PLD5: variants seen among roughly 807,000 people sequenced by gnomAD.
PLD5 encodes the protein phospholipase D family member 5.
In PLD5, 36 loss-of-function variants were observed where a neutral mutation model predicts 61.1. The observed-to-expected ratio is 0.59, with a 90% CI of 0.45 to 0.78. The LOEUF is 0.78. Among genes scored for constraint, PLD5 ranks in the 30% least tolerant of loss-of-function variants. The pLI, the probability that PLD5 is intolerant of heterozygous loss-of-function variation, is 0.00. For synonymous variants in PLD5, 243 were observed against 242.8 expected, an observed-to-expected ratio of 1.00 and a Z score of -0.01; for missense variants, 515 against 644.4, an observed-to-expected ratio of 0.80 and a Z score of 2.17.
chr1:242,479,560 C>G (rs1667703421), intron 1 of PLD5, among the ~76,000 whole-genome samples: 1 of 152,070 alleles, frequency 6.6e-6, no homozygotes, highest in South Asian at 2.1e-4. Context: ...TAAAGACATA[C>G]TATATGGAGA....
chr1:242,459,955 T>A (rs540088755), intron 1 of PLD5, among the ~76,000 whole-genome samples: 109 of 152,308 alleles, frequency 7.2e-4, no homozygotes, highest in African/African-American at 2.5e-3. Context: ...CTTCCGAGAA[T>A]TTCTGGTCTA....
chr1:242,244,148 G>C (rs1672226369), intron 4 of PLD5, among the ~76,000 whole-genome samples: 1 of 152,152 alleles, frequency 6.6e-6, no homozygotes. Flanking sequence ...GGAATATCTT[G>C]GGATACAGAA....
chr1:242,146,927 A>G (rs1664585245), intron 5 of PLD5, among the ~76,000 whole-genome samples: 1 of 152,206 alleles, frequency 6.6e-6, no homozygotes, highest in Admixed American at 6.5e-5. Flanking sequence ...CAGTTCATGT[A>G]TTCAAAACTA....
intron 1 of PLD5, among the ~76,000 whole-genome samples, chr1:242,356,340 AC>A (rs1426675345): frequency 1.3e-5 from 2 of 151,794 alleles, no homozygotes; most frequent in Non-Finnish European, 1.5e-5. Flanking sequence ...TTTTTAAAAT[AC>A]TTTTTGACTT....
intron 6 of PLD5, 30 bp from the exon 7 acceptor site, chr1:242,114,056 C>G: frequency 3.1e-6 from 5 of 1,599,574 alleles, no homozygotes; most frequent in East Asian, 2.2e-5. Flanking sequence ...AAACTTTTAG[C>G]GTACTAATTT....
intron 4 of PLD5, among the ~76,000 whole-genome samples, chr1:242,258,544 T>C (rs1673207208): frequency 6.6e-6 from 1 of 152,220 alleles, no homozygotes; most frequent in Non-Finnish European, 1.5e-5. Flanking sequence ...CAATGCATCT[T>C]ACGATTGCTA....
intron 2 of PLD5, among the ~76,000 whole-genome samples, chr1:242,330,002 A>G (rs928016704): frequency 6.6e-6 from 1 of 152,170 alleles, no homozygotes; most frequent in Non-Finnish European, 1.5e-5. Flanking sequence ...CCCACAGTTT[A>G]AACTGCATAA....
At chr1:242,215,621 C>T (rs1006052460) in intron 5 of PLD5, among the ~76,000 whole-genome samples, 2 of 152,110 alleles carry the variant, frequency 1.3e-5, no homozygotes, top group South Asian at 2.1e-4. Context: ...CACACCCCCT[C>T]GGGTCCTCTT....
intron 2 of PLD5, among the ~76,000 whole-genome samples, chr1:242,336,355 T>A (rs564643268): frequency 1.3e-5 from 2 of 152,260 alleles, no homozygotes; most frequent in Non-Finnish European, 2.9e-5. Context: ...TCGATAAAGA[T>A]CTCCATTGTG....
intron 1 of PLD5, among the ~76,000 whole-genome samples, chr1:242,397,344 TTG>T (rs1663648757): frequency 4.2e-5 from 5 of 118,460 alleles, no homozygotes; most frequent in Admixed American, 8.7e-5. Context: ...TTTTTTTTCT[TTG>T]TTTTTTTTTT....
intron 2 of PLD5, among the ~76,000 whole-genome samples, chr1:242,316,013 A>G (rs1156793002): frequency 6.6e-6 from 1 of 152,140 alleles, no homozygotes; most frequent in Non-Finnish European, 1.5e-5. Context: ...GTCATTCTCT[A>G]CCATGGTGAC....
chr1:242,236,875 T>C (rs1024591745), intron 4 of PLD5, among the ~76,000 whole-genome samples: 2 of 152,258 alleles, frequency 1.3e-5, no homozygotes, highest in African/African-American at 4.8e-5. Flanking sequence ...ATGTAATCAC[T>C]GTTTGAACTA....
intron 7 of PLD5, among the ~76,000 whole-genome samples, chr1:242,110,173 T>C (rs1041126786): frequency 6.6e-6 from 1 of 151,600 alleles, no homozygotes; most frequent in African/African-American, 2.4e-5. Flanking sequence ...TTTCAAATAG[T>C]GTATCATTAG....
chr1:242,325,215 C>T (rs942298741), intron 2 of PLD5, among the ~76,000 whole-genome samples: 4 of 151,808 alleles, frequency 2.6e-5, no homozygotes, highest in Non-Finnish European at 2.9e-5. Context: ...AAAGTAAGCA[C>T]GAACTCTAAT....
chr1:242,265,543 G>T, intron 3 of PLD5, 95 bp from the exon 4 acceptor site: 4 of 1,072,854 alleles, frequency 3.7e-6, no homozygotes, highest in Middle Eastern at 2.4e-4. Context: ...TAATCTATTC[G>T]TTCAAATGTT....
rs1309358601 is a variant in PLD5, at chr1:242,112,856, C to T, written c.1070+1034G>A. Among the ~76,000 whole-genome samples the T allele has an allele frequency of 5.3e-5, 8 of 152,142 alleles. No homozygotes were observed. The East Asian group carries it at 1.5e-3, about 29-fold the overall frequency. On this transcript the variant is annotated intron_variant, in intron 7 of 9. Transcript: ENST00000536534. ...TAATTATTCAAGCACCTCTGCATTCCCAGCACGAAAGCAAAAGTGGGAATA... is the reference window on the plus strand; with the variant it reads ...TAATTATTCAAGCACCTCTGCATTCTCAGCACGAAAGCAAAAGTGGGAATA...
intron 5 of PLD5, among the ~76,000 whole-genome samples, chr1:242,138,483 G>A (rs1438809736): frequency 1.3e-5 from 2 of 151,804 alleles, no homozygotes; most frequent in Non-Finnish European, 2.9e-5. Context: ...AAATCCCCTC[G>A]AAGAACACTG....
intron 1 of PLD5, among the ~76,000 whole-genome samples, chr1:242,505,833 TC>T (rs1402760965): frequency 6.6e-6 from 1 of 152,190 alleles, no homozygotes; most frequent in African/African-American, 2.4e-5. Flanking sequence ...AATCATTACC[TC>T]CTTCACCCAC....
intron 2 of PLD5, among the ~76,000 whole-genome samples, chr1:242,322,536 T>C (rs564107399): frequency 6.6e-6 from 1 of 152,282 alleles, no homozygotes; most frequent in South Asian, 2.1e-4. Context: ...TGTGATATGG[T>C]TTGGTTCTGT....
Sources: gnomAD v4.1 joint callset for allele counts (sites outside exome capture counted in the v4.1 genomes callset) on GRCh38, gnomAD v4.1.1 for gene constraint, MANE v1.5 for transcripts, NCBI Gene and HGNC (gene_info 2026-07-23, HGNC 2026-07-21) for gene names.